COG5: variants seen among roughly 807,000 people sequenced by gnomAD.
The protein encoded by COG5 is component of oligomeric golgi complex 5.
A neutral mutation model predicts 110.4 loss-of-function variants in COG5; 86 were observed. That is an observed-to-expected ratio of 0.78 (90% CI 0.65 to 0.93). The LOEUF (loss-of-function observed/expected upper bound fraction) is 0.93, where lower values mean the gene tolerates loss of function less well. Among genes scored for constraint, COG5 ranks in the 40% least tolerant of loss-of-function variants. The probability of loss-of-function intolerance (pLI) is 0.00; values close to 1 mark genes in which losing one functional copy is unlikely to be tolerated. For missense variants in COG5, 1,077 were observed against 987.0 expected (o/e 1.09, Z -1.22); for synonymous variants, 360 against 334.6 (o/e 1.08, Z -0.83).
chr7:107,475,239 T>A, intron 6 of COG5: 1 of 1,609,530 alleles, frequency 6.2e-7, no homozygotes, highest in Non-Finnish European at 8.5e-7. Context: ...TAGAAGCTGA[T>A]CCCCTGCCTA....
At chr7:107,314,504 G>T (rs2117012890) in intron 11 of COG5, among the ~76,000 whole-genome samples, 1 of 151,660 alleles carries the variant, frequency 6.6e-6, no homozygotes, top group Non-Finnish European at 1.5e-5. Context: ...AGCACTTTGG[G>T]AGGCCGAGGC....
At chr7:107,404,792 T>G (rs1791689254) in intron 7 of COG5, among the ~76,000 whole-genome samples, 1 of 149,016 alleles carries the variant, frequency 6.7e-6, no homozygotes, top group South Asian at 2.1e-4. Flanking sequence ...GAAGCAGGAA[T>G]TAAGGACATC....
At chr7:107,392,282 C>T (rs747856418) in intron 7 of COG5, among the ~76,000 whole-genome samples, 11 of 152,074 alleles carry the variant, frequency 7.2e-5, no homozygotes, top group Non-Finnish European at 1.5e-4. Context: ...TTCTCTGCTG[C>T]AATCATCTAG....
At chr7:107,335,068 T>C (rs1448377889) in intron 10 of COG5, among the ~76,000 whole-genome samples, 2 of 152,224 alleles carry the variant, frequency 1.3e-5, no homozygotes, top group Non-Finnish European at 2.9e-5. Context: ...AAAAGTAAAT[T>C]GACCAAACAA....
At chr7:107,424,779 C>T (rs142823219) in intron 6 of COG5, among the ~76,000 whole-genome samples, 251 of 152,184 alleles carry the variant, frequency 1.6e-3, no homozygotes, top group African/African-American at 5.7e-3. Flanking sequence ...ATCCAAAATC[C>T]TGCATGATAC....
chr7:107,298,305 T>A lies in COG5; in HGVS notation c.1150A>T (p.Lys384Ter). ...LKQAFEGEYP[K>*]LLRLYNDLWK... ...AAGTCATTATAAAGACGTAATAATTTAGGGTATTCTCCTTCAAATGCCTGC... is the reference window on the plus strand; with the variant it reads ...AAGTCATTATAAAGACGTAATAATTAAGGGTATTCTCCTTCAAATGCCTGC... The change falls in exon 12 of 22, where the codon AAA (lysine) becomes TAA (stop). Residue 384 changes from lysine (K) to a stop codon, truncating the protein, a stop_gained. Coordinates refer to ENST00000297135, the MANE Select transcript of COG5 (RefSeq NM_006348.5). LOFTEE classifies it high-confidence loss of function. The A allele has an allele frequency of 6.2e-7, 1 of 1,613,668 alleles. No homozygotes were observed. Among genetic ancestry groups the A allele is most frequent in the Non-Finnish European group, 8.5e-7 (1 of 1,179,782 alleles).
intron 10 of COG5, among the ~76,000 whole-genome samples, chr7:107,352,037 T>C (rs1020896934): frequency 2.7e-5 from 4 of 145,602 alleles, no homozygotes; most frequent in Non-Finnish European, 4.6e-5. Context: ...CTATTCACAA[T>C]AGCAAAGACT....
At chr7:107,310,468 C>G (rs941523820) in intron 11 of COG5, among the ~76,000 whole-genome samples, 1 of 152,162 alleles carries the variant, frequency 6.6e-6, no homozygotes, top group Non-Finnish European at 1.5e-5. Flanking sequence ...CACAAGTGTT[C>G]TGTACAACTT....
chr7:107,294,013 T>G (rs7789927), intron 12 of COG5, among the ~76,000 whole-genome samples: 3 of 151,872 alleles, frequency 2.0e-5, no homozygotes, highest in African/African-American at 7.3e-5. Flanking sequence ...CAAAAGTTGC[T>G]GTGAGCAGAT....
intron 19 of COG5, among the ~76,000 whole-genome samples, chr7:107,216,939 AAG>A (rs1293890177): frequency 2.6e-5 from 4 of 152,110 alleles, no homozygotes; most frequent in Non-Finnish European, 4.4e-5. Flanking sequence ...CAACAAAACA[AAG>A]AGTTTTTTGA....
intron 5 of COG5, among the ~76,000 whole-genome samples, chr7:107,545,950 C>G (rs1272994839): frequency 6.6e-6 from 1 of 152,032 alleles, no homozygotes; most frequent in Non-Finnish European, 1.5e-5. Flanking sequence ...GAACTTTTTT[C>G]AGGATAGATC....
At chr7:107,260,297 T>C (rs927947627) in intron 14 of COG5, among the ~76,000 whole-genome samples, 2 of 152,072 alleles carry the variant, frequency 1.3e-5, no homozygotes, top group African/African-American at 4.8e-5. Context: ...CTGAAAACAT[T>C]ATTCTATGTG....
chr7:107,430,652 A>G (rs909632558), intron 6 of COG5, among the ~76,000 whole-genome samples: 1 of 152,192 alleles, frequency 6.6e-6, no homozygotes, highest in Non-Finnish European at 1.5e-5. Flanking sequence ...GCAAACACCA[A>G]TTCGGATTCT....
At position 107,461,752 on chromosome 7, in the gene COG5, A is replaced by G. The variant is rs144526766; in HGVS notation, c.539-49120T>C. On this transcript the variant is annotated intron_variant, in intron 6 of 21. Transcript: ENST00000297135. ...TCAAAATTCAACAGTATTTCTTTAT[A>G]TAAACAAATCAAAATTTTAAAATAT... Among the ~76,000 whole-genome samples, 1,320 of 152,358 alleles carry G rather than the reference A, an allele frequency of 8.7e-3. 18 individuals carry two copies. The highest frequency in any genetic ancestry group is 0.03 in the African/African-American group (1,260 of 41,588).
chr7:107,319,930 T>A (rs1423381985), intron 11 of COG5, among the ~76,000 whole-genome samples: 1 of 152,068 alleles, frequency 6.6e-6, no homozygotes, highest in Admixed American at 6.5e-5. Flanking sequence ...CTGTGAATAG[T>A]CACTGCACTT....
chr7:107,547,034 C>A (rs1004279586), intron 5 of COG5, among the ~76,000 whole-genome samples: 38 of 152,172 alleles, frequency 2.5e-4, no homozygotes, highest in Non-Finnish European at 1.8e-4. Context: ...TTTTATTAGG[C>A]CAATATTACC....
intron 21 of COG5, among the ~76,000 whole-genome samples, chr7:107,204,694 C>T (rs1193234940): frequency 6.6e-6 from 1 of 152,118 alleles, no homozygotes; most frequent in East Asian, 1.9e-4. Flanking sequence ...AAACATTTCC[C>T]CAGAGTCTGG....
intron 8 of COG5, among the ~76,000 whole-genome samples, chr7:107,367,756 G>C (rs973712701): frequency 1.3e-5 from 2 of 151,978 alleles, no homozygotes; most frequent in African/African-American, 4.8e-5. Flanking sequence ...AGACAGAGTG[G>C]TATAATGGAC....
At chr7:107,433,990 G>A (rs1794195827) in intron 6 of COG5, among the ~76,000 whole-genome samples, 1 of 152,116 alleles carries the variant, frequency 6.6e-6, no homozygotes, top group Admixed American at 6.5e-5. Context: ...ATTTTTAAAT[G>A]GGCAAAGAAT....
Sources: allele counts gnomAD v4.1 joint callset (sites outside exome capture counted in the v4.1 genomes callset), GRCh38; gene constraint gnomAD v4.1.1; transcripts MANE v1.5; gene names NCBI Gene and HGNC (gene_info 2026-07-23, HGNC 2026-07-21).